Variants in ASPM observed in about 807,000 individuals in gnomAD.
ASPM encodes the protein abnormal spindle-like microcephaly-associated protein.
A neutral mutation model predicts 366.4 loss-of-function variants in ASPM; 256 were observed. The ratio of observed to expected loss-of-function variants is 0.70; its 90% confidence interval spans 0.63 to 0.77. The LOEUF is 0.77. Among genes scored for constraint, ASPM ranks in the 30% least tolerant of loss-of-function variants. The pLI, the probability that ASPM is intolerant of heterozygous loss-of-function variation, is 0.00. For missense variants in ASPM, 4,146 were observed against 4,090.4 expected (o/e 1.01, Z -0.37); for synonymous variants, 1,414 against 1,342.9 (o/e 1.05, Z -1.16).
chr1:197,110,640 T>C (rs1446256191), intron 17 of ASPM, among the ~76,000 whole-genome samples: 2 of 151,982 alleles, frequency 1.3e-5, no homozygotes, highest in African/African-American at 4.8e-5. Flanking sequence ...GAGGATTACC[T>C]ACTAGATATC....
intron 1 of ASPM, among the ~76,000 whole-genome samples, chr1:197,145,424 A>G (rs1658734261): frequency 6.6e-6 from 1 of 152,196 alleles, no homozygotes; most frequent in African/African-American, 2.4e-5. Flanking sequence ...CTAAAATACT[A>G]AAGTGTGCAT....
intron 13 of ASPM, among the ~76,000 whole-genome samples, chr1:197,122,905 G>GAA (rs1229464286): frequency 1.3e-5 from 2 of 152,078 alleles, no homozygotes; most frequent in Non-Finnish European, 2.9e-5. Context: ...GTAGTCTTAG[G>GAA]AAACTACAAC....
In ASPM at chr1:197,114,401, A is replaced by G. The variant is rs562106020; in HGVS notation, c.4065+3388T>C. ...TTTTTTAAAAATAAGACAACAATGA[A>G]GTTTTACTGCATTGATTGACTCCTT... On this transcript the variant is annotated intron_variant, in intron 17 of 27. Transcript: ENST00000367409. Among the ~76,000 whole-genome samples the G allele has an allele frequency of 8.5e-5, 13 of 152,212 alleles. No individual in the cohort carries two copies. The East Asian group carries it at 2.5e-3, about 29-fold the overall frequency.
At chr1:197,085,622 T>C (rs1299838598) in intron 27 of ASPM, among the ~76,000 whole-genome samples, 1 of 152,152 alleles carries the variant, frequency 6.6e-6, no homozygotes, top group Non-Finnish European at 1.5e-5. Flanking sequence ...TTCAAAAGCA[T>C]TATGCTAAGG....
intron 16 of ASPM, 74 bp downstream of exon 16, chr1:197,121,841 C>T: frequency 6.7e-7 from 1 of 1,493,916 alleles, no homozygotes; most frequent in South Asian, 1.1e-5. Context: ...AATGTAAAAT[C>T]ATATCAAAAA....
intron 3 of ASPM, among the ~76,000 whole-genome samples, chr1:197,140,439 T>C (rs1357584740): frequency 6.6e-6 from 1 of 152,242 alleles, no homozygotes; most frequent in African/African-American, 2.4e-5. Context: ...CTTAAATACT[T>C]TGTGCCAGGC....
chr1:197,129,981 G>A lies in ASPM; in HGVS notation c.2563C>T (p.Leu855=). Residue 855 remains leucine (L), a synonymous_variant, in exon 8 of 28, where the codon CTA becomes TTA. Transcript: ENST00000367409. Reference sequence around the variant, plus strand: ...GCTGCTATATCAGGATTCCAAAGTAGGCGATTCAGAATAAACATAGCCAAC... The same window carrying A: ...GCTGCTATATCAGGATTCCAAAGTAAGCGATTCAGAATAAACATAGCCAAC... ...TGLAMFILNR[L]LWNPDIAAEY... 1 of 1,613,898 alleles carries A rather than the reference G, an allele frequency of 6.2e-7. No homozygotes were observed.
chr1:197,086,711 C>T, intron 27 of ASPM, 92 bp downstream of exon 27: 1 of 1,105,478 alleles, frequency 9.0e-7, no homozygotes, highest in Non-Finnish European at 1.4e-6. Context: ...CACTGAAAAG[C>T]ACATCTTGTT....
chr1:197,121,266 C>T (rs1657899005), intron 16 of ASPM, among the ~76,000 whole-genome samples: 1 of 151,922 alleles, frequency 6.6e-6, no homozygotes, highest in African/African-American at 2.4e-5. Flanking sequence ...TAACAATTTT[C>T]TCAGAACTTA....
At chr1:197,131,839 T>G (rs1158068270) in intron 7 of ASPM, among the ~76,000 whole-genome samples, 5 of 151,056 alleles carry the variant, frequency 3.3e-5, no homozygotes, top group Non-Finnish European at 7.4e-5. Context: ...GATTACAGCA[T>G]GAGCCACCAC....
At chr1:197,099,850 T>C (rs1038826066) in intron 18 of ASPM, among the ~76,000 whole-genome samples, 3 of 151,778 alleles carry the variant, frequency 2.0e-5, no homozygotes, top group South Asian at 2.1e-4. Flanking sequence ...CCTCTCTCTA[T>C]GCAACATTGG....
At chr1:197,124,459 A>T in intron 12 of ASPM, 128 bp from the exon 13 acceptor site, 1 of 762,402 alleles carries the variant, frequency 1.3e-6, no homozygotes, top group Non-Finnish European at 2.1e-6. Context: ...AAGTTAAAAA[A>T]ATCAAAGAAA....
At chr1:197,091,415 T>G (rs1339366811) in intron 22 of ASPM, among the ~76,000 whole-genome samples, 1 of 151,780 alleles carries the variant, frequency 6.6e-6, no homozygotes, top group Admixed American at 6.6e-5. Context: ...CATAAAGAAC[T>G]CCTATAAATC....
intron 17 of ASPM, among the ~76,000 whole-genome samples, chr1:197,109,733 G>GA (rs1463315184): frequency 5.9e-5 from 9 of 151,872 alleles, no homozygotes; most frequent in Non-Finnish European, 1.3e-4. Context: ...AAACTTCATA[G>GA]AAATAAGTGA....
chr1:197,085,983 T>C (rs970924454), intron 27 of ASPM, among the ~76,000 whole-genome samples: 4 of 152,140 alleles, frequency 2.6e-5, no homozygotes, highest in African/African-American at 9.7e-5. Context: ...ACATAATGAA[T>C]ATTAAATTCT....
At position 197,086,971 on chromosome 1, in the gene ASPM, T is replaced by A; in HGVS notation, c.10163A>T (p.Asp3388Val). ...ILLKTTNRAS[D>V]VRSRSKVVDR... Reference sequence around the variant, plus strand: ...AACAACTTTGGACCTACTTCGTACATCCTACAAAATAAAATGCACAGTTAC... The same window carrying A: ...AACAACTTTGGACCTACTTCGTACAACCTACAAAATAAAATGCACAGTTAC... Residue 3388 changes from aspartate to valine, a missense_variant and splice_region_variant, in exon 27 of 28, where the codon GAT (aspartate) becomes GTT (valine). Physicochemically the swap from Asp to Val is radical, Grantham distance 152. Around this residue, in one of 3 missense-constraint regions of ASPM, gnomAD observed 3,624 missense variants for 3,591.7 expected, o/e 1.01. Coordinates refer to ENST00000367409, the MANE Select transcript of ASPM (RefSeq NM_018136.5). 1.2e-6 allele frequency: 2 copies of A among 1,606,300 alleles called. No individual in the cohort carries two copies. Among genetic ancestry groups the A allele is most frequent in the Non-Finnish European group, 1.7e-6 (2 of 1,178,354 alleles).
In ASPM at chr1:197,143,619, A is replaced by C. The variant is rs1658672931; in HGVS notation, c.633T>G (p.Ser211=). The change falls in exon 3 of 28, where the codon TCT becomes TCG. Residue 211 remains serine, a synonymous_variant. Transcript: ENST00000367409. ...NEGGPPTENN[S]LILEENKIPI... ...GTATTTTATTTTCTTCAAGTATTAA[A>C]GAATTGTTTTCTGTTGGGGGACCGC... The C allele has an allele frequency of 6.2e-7, 1 of 1,613,126 alleles. No homozygotes were observed. Among genetic ancestry groups the C allele is most frequent in the African/African-American group, 1.3e-5 (1 of 74,926 alleles).
chr1:197,100,108 A>T (rs969050261), intron 18 of ASPM, among the ~76,000 whole-genome samples: 1 of 151,724 alleles, frequency 6.6e-6, no homozygotes, highest in African/African-American at 2.4e-5. Context: ...ATCTTAGCTT[A>T]TATTTTCCAC....
chr1:197,140,021 G>A (rs1382264342), intron 3 of ASPM, 150 bp from the exon 4 acceptor site: 3 of 606,522 alleles, frequency 4.9e-6, no homozygotes, highest in Non-Finnish European at 5.9e-6. Flanking sequence ...CTAATGCTAT[G>A]AATTCAGTGG....
Sources: allele counts gnomAD v4.1 joint callset (sites outside exome capture counted in the v4.1 genomes callset), GRCh38; gene constraint gnomAD v4.1.1; regional missense constraint gnomAD v4.1.1; transcripts MANE v1.5; gene names NCBI Gene and HGNC (gene_info 2026-07-23, HGNC 2026-07-21).